CNIH3: variants seen among roughly 807,000 people sequenced by gnomAD.
The protein encoded by CNIH3 is cornichon family AMPA receptor auxiliary protein 3.
A neutral mutation model predicts 24.1 loss-of-function variants in CNIH3; 14 were observed. The ratio of observed to expected loss-of-function variants is 0.58; its 90% confidence interval spans 0.38 to 0.91. The LOEUF is 0.91. CNIH3 is among the 40% of genes least tolerant of loss of function. CNIH3 has a pLI of 0.00. For missense variants in CNIH3, 178 were observed against 196.8 expected (o/e 0.90, Z 0.57); for synonymous variants, 68 against 73.8 (o/e 0.92, Z 0.40).
chr1:224,654,138 T>C (rs1399865520), intron 1 of CNIH3, among the ~76,000 whole-genome samples: 6 of 151,876 alleles, frequency 4.0e-5, no homozygotes, highest in Non-Finnish European at 5.9e-5. Flanking sequence ...TCCCAACACT[T>C]TGGGAGGCCA....
At chr1:224,597,917 C>G (rs1272486814) in intron 3 of CNIH3, among the ~76,000 whole-genome samples, 2 of 152,154 alleles carry the variant, frequency 1.3e-5, no homozygotes, top group African/African-American at 2.4e-5. Flanking sequence ...CCTGTGGGAT[C>G]TGATGCTATA....
Position 224,490,708 on chromosome 1 carries a change from T to G in CNIH3, n.204-25033T>G, listed in dbSNP as rs188066192. Among the ~76,000 whole-genome samples the G allele has an allele frequency of 2.0e-5, 3 of 152,338 alleles. No homozygotes were observed. In the East Asian group the frequency reaches 5.8e-4, roughly 29 times the overall value. On this transcript the variant is annotated intron_variant and non_coding_transcript_variant, in intron 1 of 5. Transcript: ENST00000471578. The stretch of plus-strand genomic sequence containing the variant: ...AATCCTCCATATCTGTAATGTACTT[T>G]TATGTGTCACATTATTTTATGGCCT...
intron 3 of CNIH3, among the ~76,000 whole-genome samples, chr1:224,593,918 G>C (rs1681867961): frequency 6.6e-6 from 1 of 152,158 alleles, no homozygotes; most frequent in South Asian, 2.1e-4. Context: ...TATTGTGCCT[G>C]CCGAGTAAGA....
chr1:224,582,876 A>G (rs1459117231), intron 4 of CNIH3, among the ~76,000 whole-genome samples: 1 of 152,184 alleles, frequency 6.6e-6, no homozygotes, highest in Non-Finnish European at 1.5e-5. Flanking sequence ...TCTGTTCATT[A>G]TTTCAGACAT....
intron 1 of CNIH3, among the ~76,000 whole-genome samples, chr1:224,446,210 T>C (rs1675156586): frequency 3.0e-5 from 3 of 100,998 alleles, no homozygotes. Context: ...TATTTCAACT[T>C]TGTTTTTTTT....
intron 1 of CNIH3, among the ~76,000 whole-genome samples, chr1:224,630,573 T>C (rs1031658878): frequency 1.7e-4 from 26 of 151,504 alleles, no homozygotes; most frequent in African/African-American, 6.3e-4. Flanking sequence ...CCATATATTT[T>C]GTGGAGGATA....
intron 1 of CNIH3, among the ~76,000 whole-genome samples, chr1:224,449,653 C>T (rs947900856): frequency 7.9e-5 from 12 of 152,198 alleles, no homozygotes; most frequent in Admixed American, 3.9e-4. Flanking sequence ...CCACCACCCC[C>T]GGCTACAAAA....
At chr1:224,476,332 A>G (rs1558092567) in intron 1 of CNIH3, among the ~76,000 whole-genome samples, 1 of 152,212 alleles carries the variant, frequency 6.6e-6, no homozygotes, top group South Asian at 2.1e-4. Flanking sequence ...AGAAAAACCT[A>G]AAGACTCCAC....
chr1:224,678,669 G>A (rs1178126723), intron 1 of CNIH3, among the ~76,000 whole-genome samples: 1 of 152,028 alleles, frequency 6.6e-6, no homozygotes, highest in Admixed American at 6.6e-5. Context: ...CTCTAATGCA[G>A]TGCTGTCTGA....
intron 1 of CNIH3, among the ~76,000 whole-genome samples, chr1:224,459,710 G>C (rs1279552010): frequency 6.6e-6 from 1 of 152,080 alleles, no homozygotes; most frequent in Non-Finnish European, 1.5e-5. Context: ...GGGCCCAGAA[G>C]TATCAGAGAG....
intron 1 of CNIH3, among the ~76,000 whole-genome samples, chr1:224,437,453 G>T (rs1674713234): frequency 6.6e-6 from 1 of 152,170 alleles, no homozygotes; most frequent in Non-Finnish European, 1.5e-5. Context: ...TATCGAGTAG[G>T]TAGTGGAACT....
intron 3 of CNIH3, among the ~76,000 whole-genome samples, chr1:224,696,011 A>T (rs192845659): frequency 6.6e-6 from 1 of 152,230 alleles, no homozygotes; most frequent in African/African-American, 2.4e-5. Context: ...GCGTATTGGG[A>T]TATGGGTTTG....
In CNIH3 at chr1:224,739,129, A is replaced by C. The variant is rs1263093115; in HGVS notation, c.456-200A>C. 2.6e-5 allele frequency among the ~76,000 whole-genome samples: 4 copies of C among 152,028 alleles called. No homozygotes were observed. In the East Asian group the frequency reaches 7.8e-4, roughly 29 times the overall value. On this transcript the variant is annotated intron_variant, in intron 5 of 5. Coordinates refer to ENST00000272133, the MANE Select transcript of CNIH3 (RefSeq NM_152495.2). ...AGGGATACAATATGCTCTCCCAAAAAATTTTTATTCCAGTGTTGTGGGAAG... is the reference window on the plus strand; with the variant it reads ...AGGGATACAATATGCTCTCCCAAAACATTTTTATTCCAGTGTTGTGGGAAG...
chr1:224,462,411 G>C (rs907795747), intron 1 of CNIH3, among the ~76,000 whole-genome samples: 1 of 152,106 alleles, frequency 6.6e-6, no homozygotes, highest in African/African-American at 2.4e-5. Context: ...TTGGGTCACC[G>C]CAACTTCTGC....
rs192417405 is a variant in CNIH3 at position 224,689,766 on chromosome 1, T to C, written c.198+4923T>C. 3.0e-3 allele frequency among the ~76,000 whole-genome samples: 455 copies of C among 152,334 alleles called. 1 individual carries two copies. Among genetic ancestry groups the C allele is most frequent in the Non-Finnish European group, 4.3e-3 (292 of 68,030 alleles). On this transcript the variant is annotated intron_variant, in intron 3 of 5. Coordinates refer to ENST00000272133, the MANE Select transcript of CNIH3 (RefSeq NM_152495.2). The stretch of plus-strand genomic sequence containing the variant: ...GAAGGGATTTTCAAACTGGATCTGT[T>C]TTTAGCTCTATAATTATCAGAAAAT...
chr1:224,687,802 C>T (rs558901846), intron 3 of CNIH3, among the ~76,000 whole-genome samples: 21 of 152,106 alleles, frequency 1.4e-4, no homozygotes, highest in African/African-American at 3.1e-4. Context: ...AAACAAGGCA[C>T]GAGGGAATCT....
intron 1 of CNIH3, among the ~76,000 whole-genome samples, chr1:224,449,518 G>C (rs1331433696): frequency 6.6e-6 from 1 of 151,990 alleles, no homozygotes; most frequent in East Asian, 1.9e-4. Flanking sequence ...TTCCAAGAGA[G>C]GGGGTCTTGC....
intron 5 of CNIH3, among the ~76,000 whole-genome samples, chr1:224,585,195 T>A (rs531148795): frequency 6.6e-6 from 1 of 152,334 alleles, no homozygotes; most frequent in East Asian, 1.9e-4. Flanking sequence ...TTGTTCATAA[T>A]GCCTTCCTTG....
chr1:224,489,346 A>T (rs919749615), intron 1 of CNIH3, among the ~76,000 whole-genome samples: 1 of 152,124 alleles, frequency 6.6e-6, no homozygotes, highest in Admixed American at 6.5e-5. Context: ...TCTCCCTTTC[A>T]GGATTTCCCC....
Sources: gnomAD v4.1 joint callset for allele counts (sites outside exome capture counted in the v4.1 genomes callset) on GRCh38, gnomAD v4.1.1 for gene constraint, MANE v1.5 for transcripts, NCBI Gene and HGNC (gene_info 2026-07-23, HGNC 2026-07-21) for gene names.